The following BIVM variants were observed in gnomAD, a reference collection of about 807,000 sequenced individuals.
BIVM encodes basic, immunoglobulin-like variable motif containing.
Under a neutral mutation model 61.4 loss-of-function variants are expected in BIVM, and 31 were observed. The ratio of observed to expected loss-of-function variants is 0.51; its 90% CI spans 0.38 to 0.68. The LOEUF (loss-of-function observed/expected upper bound fraction) is 0.68, where lower values mean the gene tolerates loss of function less well. Among genes scored for constraint, BIVM ranks in the 30% least tolerant of loss-of-function variants. The pLI is 0.00. For synonymous variants in BIVM, 189 were observed against 210.7 expected (o/e 0.90, Z 0.89); for missense variants, 526 against 596.0 (o/e 0.88, Z 1.22).
intron 9 of BIVM, 35 bp downstream of exon 9, chr13:102,834,587 G>A: frequency 6.5e-7 from 1 of 1,547,674 alleles, no homozygotes; most frequent in Non-Finnish European, 8.7e-7. Context: ...TTTAATTGAG[G>A]TAACATTTAG....
chr13:102,823,247 A>G (rs1471936636), intron 7 of BIVM, among the ~76,000 whole-genome samples: 1 of 152,244 alleles, frequency 6.6e-6, no homozygotes. Flanking sequence ...TTACCAAGGT[A>G]AAAGACTGAG....
At chr13:102,804,859 C>T (rs1371920136) in intron 1 of BIVM, among the ~76,000 whole-genome samples, 1 of 152,164 alleles carries the variant, frequency 6.6e-6, no homozygotes, top group East Asian at 1.9e-4. Flanking sequence ...AGCTCTGTTT[C>T]CTTAAATTCC....
In BIVM at chr13:102,799,322, GA is replaced by G. The variant is rs1168733090; in HGVS notation, c.-403del. Reference sequence around the variant, plus strand: ...GGAGAGGGCAGGCATAAAGCACCTTGAAAGGAAGGTGCTGTCAATGCTATCC... The same window carrying G: ...GGAGAGGGCAGGCATAAAGCACCTTGAAGGAAGGTGCTGTCAATGCTATCC... On this transcript the variant is annotated 5_prime_UTR_variant, in exon 1 of 11. Coordinates refer to ENST00000257336, the MANE Select transcript of BIVM (RefSeq NM_017693.4). 5.6e-6 allele frequency: 1 copy of G among 177,676 alleles called. No homozygotes were observed. The highest frequency in any genetic ancestry group is 1.2e-5 in the Non-Finnish European group (1 of 85,490). The allele number at this position is 177,676 out of a possible 1,614,324, so 11.0% of individuals were successfully genotyped here. A position where few individuals can be genotyped will look rare whatever the true frequency, so the allele number is the denominator to read the frequency against.
chr13:102,820,811 C>T, intron 4 of BIVM: 1 of 465,760 alleles, frequency 2.1e-6, no homozygotes, highest in South Asian at 2.7e-5. Flanking sequence ...ATAACATCCA[C>T]TTTAACTGGC....
chr13:102,814,164 G>C (rs900424781), intron 3 of BIVM, among the ~76,000 whole-genome samples: 3 of 152,062 alleles, frequency 2.0e-5, no homozygotes, highest in African/African-American at 7.2e-5. Context: ...AGGAATGGAA[G>C]AAGGAACTCA....
intron 7 of BIVM, 129 bp downstream of exon 7, chr13:102,822,288 G>A (rs1461723266): frequency 1.2e-6 from 1 of 819,354 alleles, no homozygotes; most frequent in Non-Finnish European, 1.9e-6. Flanking sequence ...TAAACCCTCA[G>A]CACAGTCTGT....
rs147004122 is a variant in BIVM at position 102,840,740 on chromosome 13, A to G, written c.*875A>G. 6.7e-6 allele frequency: 1 copy of G among 149,738 alleles called. No homozygotes were observed. Among genetic ancestry groups the G allele is most frequent in the African/African-American group, 2.4e-5 (1 of 41,068 alleles). 9.3% of individuals were successfully genotyped at this position (149,738 alleles called of 1,614,324 possible). A position where few individuals can be genotyped will look rare whatever the true frequency, so the allele number is the denominator to read the frequency against. On this transcript the variant is annotated 3_prime_UTR_variant, in exon 11 of 11. Coordinates refer to ENST00000257336, the MANE Select transcript of BIVM (RefSeq NM_017693.4). ...TTTTTTTGGTGCAAATGGGTGACTT[A>G]GTGCATTGATTCAGATTTTTAAAAT...
At chr13:102,813,737 A>C (rs2139175740) in intron 3 of BIVM, among the ~76,000 whole-genome samples, 1 of 152,214 alleles carries the variant, frequency 6.6e-6, no homozygotes, top group Non-Finnish European at 1.5e-5. Flanking sequence ...GAGGCAGTTA[A>C]TTTGGTTGAA....
In BIVM at chr13:102,807,456, G is replaced by A; in HGVS notation, c.189G>A (p.Arg63=). The A allele has an allele frequency of 1.2e-6, 2 of 1,614,102 alleles. No homozygotes were observed. The highest frequency in any genetic ancestry group is 1.7e-6 in the Non-Finnish European group (2 of 1,180,012). ...YPWSCPVTHT[R]EKIYAICSDY... ...GGAGTTGTCCAGTGACTCATACACG[G>A]GAAAAAATTTATGCCATCTGTTCGG... Residue 63 remains arginine (R), a synonymous_variant, in exon 3 of 11, where the codon CGG becomes CGA. Transcript: ENST00000257336. This position sits in a 1 kb window ranked among gnomAD's most constrained non-coding sequence, Gnocchi z 4.0.
intron 1 of BIVM, among the ~76,000 whole-genome samples, chr13:102,802,630 AT>A (rs11300280): frequency 1 from 150,797 of 151,082 alleles, 75,257 homozygotes; most frequent in Middle Eastern, 1. Flanking sequence ...GATGATCTTC[AT>A]TTTTTTTTTG....
chr13:102,837,439 C>G (rs944857348), intron 9 of BIVM, among the ~76,000 whole-genome samples: 2 of 152,074 alleles, frequency 1.3e-5, no homozygotes, highest in African/African-American at 4.8e-5. Context: ...TCTATGTGTT[C>G]TATTACACTG....
chr13:102,823,098 G>C (rs1030891319), intron 7 of BIVM, among the ~76,000 whole-genome samples: 7 of 152,148 alleles, frequency 4.6e-5, no homozygotes, highest in African/African-American at 1.2e-4. Context: ...TAGATATTAA[G>C]GGTTGTGGGT....
At chr13:102,827,357 C>G (rs1249353939) in intron 7 of BIVM, among the ~76,000 whole-genome samples, 1 of 151,348 alleles carries the variant, frequency 6.6e-6, no homozygotes, top group African/African-American at 2.4e-5. Flanking sequence ...GATAAACTAC[C>G]TATTTTCCTT....
In BIVM at chr13:102,807,793, A is replaced by G. The variant is rs769844565; in HGVS notation, c.478+48A>G. 1 of 1,530,008 alleles carries G rather than the reference A, an allele frequency of 6.5e-7. No homozygotes were observed. The highest frequency in any genetic ancestry group is 1.9e-5 in the Admixed American group (1 of 52,676). The allele number at this position is 1,530,008 out of a possible 1,614,324, so 94.8% of individuals were successfully genotyped here. On this transcript the variant is annotated intron_variant, in intron 3 of 10. Transcript: ENST00000257336. The surrounding 1 kb of genome is among the most constrained non-coding windows in gnomAD (Gnocchi z 4.0). Reference sequence around the variant, plus strand: ...CATATGTGAAAATAATGAGAAAACAAACACTATGTCTTGTTTAATCTTGCC... The same window carrying G: ...CATATGTGAAAATAATGAGAAAACAGACACTATGTCTTGTTTAATCTTGCC...
chr13:102,836,665 C>T (rs886735940), intron 9 of BIVM, among the ~76,000 whole-genome samples: 4 of 152,052 alleles, frequency 2.6e-5, no homozygotes, highest in Admixed American at 2.6e-4. Flanking sequence ...TGATTTTTTC[C>T]CCCAGTGTTT....
intron 8 of BIVM, 48 bp from the exon 9 acceptor site, chr13:102,834,418 C>T (rs1447100534): frequency 6.5e-6 from 10 of 1,535,026 alleles, no homozygotes; most frequent in African/African-American, 1.4e-5. Flanking sequence ...AAGCAATATA[C>T]TCAAGGGAGT....
intron 3 of BIVM, among the ~76,000 whole-genome samples, chr13:102,811,673 G>A (rs901354526): frequency 1.3e-4 from 20 of 152,138 alleles, no homozygotes; most frequent in South Asian, 2.1e-4. Context: ...ACAGGCGTGC[G>A]CCACCATGCC....
At position 102,807,807 on chromosome 13, in the gene BIVM, T is replaced by A. The variant is rs981517658; in HGVS notation, c.478+62T>A. ...ATGAGAAAACAAACACTATGTCTTG[T>A]TTAATCTTGCCATTACACATAGTTT... On this transcript the variant is annotated intron_variant, in intron 3 of 10. Coordinates refer to ENST00000257336, the MANE Select transcript of BIVM (RefSeq NM_017693.4). This position sits in a 1 kb window ranked among gnomAD's most constrained non-coding sequence, Gnocchi z 4.0. 4 of 1,489,516 alleles carry A rather than the reference T, an allele frequency of 2.7e-6. No homozygotes were observed. Among genetic ancestry groups the A allele is most frequent in the Non-Finnish European group, 2.7e-6 (3 of 1,109,442 alleles). 92.3% of individuals were successfully genotyped at this position (1,489,516 alleles called of 1,614,324 possible).
In BIVM at chr13:102,840,992, C is replaced by G. The variant is rs1256310723; in HGVS notation, c.*1127C>G. On this transcript the variant is annotated 3_prime_UTR_variant, in exon 11 of 11. Transcript: ENST00000257336. ...GTACTGAAGATGCATAAGAAATGCC[C>G]AAGTCACTCAGAGGACAACTACCCA... The G allele has an allele frequency of 6.6e-6, 1 of 152,540 alleles. No homozygotes were observed. The highest frequency in any genetic ancestry group is 1.5e-5 in the Non-Finnish European group (1 of 68,022). 9.4% of individuals were successfully genotyped at this position (152,540 alleles called of 1,614,324 possible).
Sources: gnomAD v4.1 joint callset for allele counts (sites outside exome capture counted in the v4.1 genomes callset) on GRCh38, gnomAD v4.1.1 for gene constraint, Gnocchi (gnomAD v3.1) non-coding constraint, MANE v1.5 for transcripts, NCBI Gene and HGNC (gene_info 2026-07-23, HGNC 2026-07-21) for gene names.